The following MCOLN2 variants were observed in gnomAD, a reference collection of about 807,000 sequenced individuals.
MCOLN2 encodes mucolipin TRP cation channel 2.
MCOLN2 carries 57 observed loss-of-function variants against 67.5 expected under a neutral mutation model. The observed-to-expected ratio is 0.84, with a 90% CI of 0.68 to 1.05. The LOEUF (loss-of-function observed/expected upper bound fraction) is 1.05. Among genes scored for constraint, MCOLN2 ranks in the 50% least tolerant of loss-of-function variants. MCOLN2 has a pLI of 0.00. For missense variants in MCOLN2, 620 were observed against 678.8 expected (o/e 0.91, Z 0.96); for synonymous variants, 246 against 233.3 (o/e 1.05, Z -0.50).
intron 8 of MCOLN2, 36 bp from the exon 9 acceptor site, chr1:84,939,738 C>T: frequency 6.2e-7 from 1 of 1,608,426 alleles, no homozygotes; most frequent in Non-Finnish European, 8.5e-7. Flanking sequence ...TTCTTACAAA[C>T]CACACTGCCC....
intron 1 of MCOLN2, among the ~76,000 whole-genome samples, chr1:84,978,596 T>G (rs1174279393): frequency 6.6e-6 from 1 of 151,980 alleles, no homozygotes; most frequent in Non-Finnish European, 1.5e-5. Context: ...ACCAATAAAT[T>G]GGAAAATATA....
At chr1:84,957,398 C>G (rs1340701519) in intron 3 of MCOLN2, among the ~76,000 whole-genome samples, 3 of 152,176 alleles carry the variant, frequency 2.0e-5, no homozygotes, top group African/African-American at 4.8e-5. Flanking sequence ...ATTAATACGA[C>G]TTTACTATTC....
At chr1:84,954,136 T>C (rs1165585551) in intron 4 of MCOLN2, among the ~76,000 whole-genome samples, 4 of 152,250 alleles carry the variant, frequency 2.6e-5, no homozygotes, top group Non-Finnish European at 4.4e-5. Context: ...GCCTAGCATG[T>C]AGCTGGCACT....
intron 1 of MCOLN2, among the ~76,000 whole-genome samples, chr1:84,993,351 C>T (rs1650986108): frequency 6.6e-6 from 1 of 152,280 alleles, no homozygotes; most frequent in Non-Finnish European, 1.5e-5. Context: ...AAAGTAAGGA[C>T]AAAACCCACA....
intron 1 of MCOLN2, among the ~76,000 whole-genome samples, chr1:84,987,582 A>ATG (rs1370532457): frequency 0.19 from 16,077 of 86,590 alleles, 4,555 homozygotes; most frequent in Non-Finnish European, 0.23. Context: ...GTATACATAG[A>ATG]TATATACATA....
At chr1:84,933,173 C>T (rs1647256778) in intron 11 of MCOLN2, among the ~76,000 whole-genome samples, 1 of 152,174 alleles carries the variant, frequency 6.6e-6, no homozygotes, top group African/African-American at 2.4e-5. Context: ...TACTTCAAGA[C>T]CAAGTGCCCT....
At chr1:84,953,940 T>C (rs751309246) in intron 4 of MCOLN2, among the ~76,000 whole-genome samples, 4 of 152,158 alleles carry the variant, frequency 2.6e-5, no homozygotes, top group Non-Finnish European at 5.9e-5. Context: ...AATGGAAAAG[T>C]TGGGGCCTTG....
chr1:84,933,808 C>A (rs1647285211), intron 11 of MCOLN2, among the ~76,000 whole-genome samples: 1 of 152,186 alleles, frequency 6.6e-6, no homozygotes, highest in East Asian at 1.9e-4. Flanking sequence ...AGTTACTTAC[C>A]AGGCTACACA....
chr1:84,955,886 T>A (rs571622845), intron 4 of MCOLN2, among the ~76,000 whole-genome samples: 1 of 152,086 alleles, frequency 6.6e-6, no homozygotes, highest in African/African-American at 2.4e-5. Flanking sequence ...AAACAAAAAG[T>A]CTTAAGCCAA....
Position 84,929,607 on chromosome 1 carries a change from A to G in MCOLN2, c.1615T>C (p.Tyr539His). 1 of 1,613,502 alleles carries G rather than the reference A, an allele frequency of 6.2e-7. No individual in the cohort carries two copies. Among genetic ancestry groups the G allele is most frequent in the East Asian group, 2.2e-5 (1 of 44,828 alleles). Residue 539 changes from tyrosine (Y) to histidine (H), a missense_variant, in exon 13 of 14, where the codon TAT becomes CAT. By Grantham distance (83) the Tyr-to-His change is moderately conservative. Transcript: ENST00000370608. ...AGGAAGGCTGAGGACTCTTTCTGATACTCTTCTTTGCTACTGCATTCCTTC... is the reference window on the plus strand; with the variant it reads ...AGGAAGGCTGAGGACTCTTTCTGATGCTCTTCTTTGCTACTGCATTCCTTC... ...FLKECSSKEE[Y>H]QKESSAFLSC...
rs577122398 is a variant in MCOLN2 at position 84,966,144 on chromosome 1, C to T, written c.78-436G>A. Among the ~76,000 whole-genome samples, 7 of 151,904 alleles carry T rather than the reference C, an allele frequency of 4.6e-5. No homozygotes were observed. The South Asian group carries it at 8.3e-4, about 18-fold the overall frequency. On this transcript the variant is annotated intron_variant, in intron 1 of 13. Transcript: ENST00000370608. ...GCGGGCACCTGTAATCTCAGTTTCT[C>T]GGGAGGCTGAGGCAGGAGAATTGCT...
intron 1 of MCOLN2, among the ~76,000 whole-genome samples, chr1:84,986,560 A>G (rs1216275434): frequency 2.0e-5 from 3 of 150,812 alleles, no homozygotes; most frequent in Non-Finnish European, 4.4e-5. Context: ...AAAAAAAAAA[A>G]AGCTTCTGCA....
intron 7 of MCOLN2, among the ~76,000 whole-genome samples, chr1:84,944,655 A>G (rs1245138663): frequency 6.6e-6 from 1 of 152,208 alleles, no homozygotes; most frequent in African/African-American, 2.4e-5. Flanking sequence ...TATTTATGAA[A>G]CCAAGTTAAA....
intron 1 of MCOLN2, 102 bp downstream of exon 1, chr1:84,996,694 C>T (rs1288862290): frequency 2.9e-6 from 3 of 1,047,910 alleles, no homozygotes; most frequent in Non-Finnish European, 4.4e-6. Flanking sequence ...TATAAGCATT[C>T]CCAAGGCAGC....
intron 1 of MCOLN2, among the ~76,000 whole-genome samples, chr1:84,995,369 A>G (rs998668492): frequency 6.6e-6 from 1 of 152,240 alleles, no homozygotes; most frequent in Admixed American, 6.5e-5. Context: ...ACAAAGTGCA[A>G]TAAAGCAAAG....
At chr1:84,947,172 A>G (rs1333838639) in intron 6 of MCOLN2, 40 bp from the exon 7 acceptor site, 4 of 977,708 alleles carry the variant, frequency 4.1e-6, no homozygotes, top group Admixed American at 1.7e-5. Context: ...AACACAGAAG[A>G]AAGTATAACA....
At chr1:84,944,846 T>C (rs2102822897) in intron 7 of MCOLN2, among the ~76,000 whole-genome samples, 1 of 152,304 alleles carries the variant, frequency 6.6e-6, no homozygotes, top group African/African-American at 2.4e-5. Flanking sequence ...ATAGTGTAAG[T>C]GTCCCACCAG....
At chr1:84,978,826 A>G (rs1195660630) in intron 1 of MCOLN2, among the ~76,000 whole-genome samples, 1 of 152,004 alleles carries the variant, frequency 6.6e-6, no homozygotes, top group East Asian at 1.9e-4. Context: ...ACACACATAT[A>G]CATATATACA....
intron 1 of MCOLN2, among the ~76,000 whole-genome samples, chr1:84,991,556 C>T (rs574627580): frequency 9.9e-5 from 15 of 152,268 alleles, no homozygotes; most frequent in Admixed American, 7.2e-4. Flanking sequence ...GCACAGCTCT[C>T]AGAACATAAA....
Sources: allele counts gnomAD v4.1 joint callset (sites outside exome capture counted in the v4.1 genomes callset), GRCh38; gene constraint gnomAD v4.1.1; transcripts MANE v1.5; gene names NCBI Gene and HGNC (gene_info 2026-07-23, HGNC 2026-07-21).